Variants in CDH13 observed in about 807,000 individuals in gnomAD.
The protein encoded by CDH13 is cadherin 13.
In CDH13, 24 loss-of-function variants were observed where a neutral mutation model predicts 63.8. That is an observed-to-expected ratio of 0.38 (90% CI 0.27 to 0.53). CDH13 has a LOEUF of 0.53. CDH13 is among the 20% of genes least tolerant of loss of function. The probability of loss-of-function intolerance (pLI) is 0.85; values close to 1 mark genes in which losing one functional copy is unlikely to be tolerated. For synonymous variants in CDH13, 503 were observed against 355.3 expected (o/e 1.42, Z -4.67); for missense variants, 1,049 against 903.1 (o/e 1.16, Z -2.07).
intron 1 of CDH13, among the ~76,000 whole-genome samples, chr16:82,708,136 T>C (rs1254454493): frequency 1.3e-5 from 2 of 152,200 alleles, no homozygotes; most frequent in African/African-American, 4.8e-5. Flanking sequence ...CAAACATCTG[T>C]CTTTTACATT....
At chr16:82,704,351 G>A (rs1178374093) in intron 1 of CDH13, among the ~76,000 whole-genome samples, 7 of 152,160 alleles carry the variant, frequency 4.6e-5, no homozygotes, top group Middle Eastern at 3.2e-3. Flanking sequence ...TGGCTCTCTG[G>A]CCTGTTCACA....
chr16:83,191,505 A>ATATATATATATATG (rs1491422081), intron 4 of CDH13, among the ~76,000 whole-genome samples: 5 of 73,980 alleles, frequency 6.8e-5, no homozygotes, highest in Admixed American at 1.6e-4. Context: ...ATATATATAT[A>ATATATATATATATG]CACACACACA....
intron 8 of CDH13, among the ~76,000 whole-genome samples, chr16:83,606,726 CAA>C (rs11424833): frequency 5.8e-5 from 8 of 138,370 alleles, no homozygotes; most frequent in East Asian, 2.1e-4. Context: ...GACCCAGTTT[CAA>C]AAAAAAAAAA....
chr16:82,740,796 A>G (rs1034530372), intron 1 of CDH13, among the ~76,000 whole-genome samples: 2 of 152,214 alleles, frequency 1.3e-5, no homozygotes, highest in Non-Finnish European at 1.5e-5. Flanking sequence ...AGCAAGTCCA[A>G]TATCAATGGG....
chr16:83,671,135 G>A (rs921840873), intron 9 of CDH13, among the ~76,000 whole-genome samples, 163 bp downstream of exon 9: 5 of 152,126 alleles, frequency 3.3e-5, no homozygotes, highest in East Asian at 1.9e-4. Flanking sequence ...GGGTGCACTC[G>A]TATCCTCAGC....
At chr16:83,199,655 G>A (rs1031054997) in intron 4 of CDH13, among the ~76,000 whole-genome samples, 5 of 152,114 alleles carry the variant, frequency 3.3e-5, no homozygotes, top group African/African-American at 7.2e-5. Context: ...ATTACTCTCC[G>A]TGACTGTTAC....
chr16:83,648,286 G>A (rs1912029502), intron 8 of CDH13, among the ~76,000 whole-genome samples: 1 of 152,182 alleles, frequency 6.6e-6, no homozygotes, highest in Non-Finnish European at 1.5e-5. Context: ...TGGTCTCGAG[G>A]CAGAACAACT....
rs180683595 is a variant in CDH13 at position 83,178,536 on chromosome 16, A to G, written c.484-38809A>G. 5.3e-5 allele frequency among the ~76,000 whole-genome samples: 8 copies of G among 152,342 alleles called. No individual in the cohort carries two copies. In the East Asian group the frequency reaches 1.5e-3, roughly 29 times the overall value. ...GCAAATAACTCAGACCTGATTATCA[A>G]TTTAATATTTGGATCAGTGGGCCAT... On this transcript the variant is annotated intron_variant, in intron 4 of 13. Transcript: ENST00000567109.
intron 1 of CDH13, among the ~76,000 whole-genome samples, chr16:82,752,055 A>T (rs1448992186): frequency 6.6e-6 from 1 of 152,244 alleles, no homozygotes; most frequent in African/African-American, 2.4e-5. Context: ...GGGGGAAACA[A>T]GATGATAGCT....
chr16:83,457,557 T>C (rs545671532), intron 6 of CDH13, among the ~76,000 whole-genome samples: 133 of 152,272 alleles, frequency 8.7e-4, no homozygotes, highest in Middle Eastern at 3.4e-3. Context: ...GTCGTTGTCA[T>C]CATCATCATC....
At chr16:83,321,490 C>G (rs999300187) in intron 5 of CDH13, among the ~76,000 whole-genome samples, 10 of 151,026 alleles carry the variant, frequency 6.6e-5, no homozygotes, top group African/African-American at 1.7e-4. Context: ...GTCATACCTC[C>G]TCATTTTTTT....
intron 1 of CDH13, among the ~76,000 whole-genome samples, chr16:82,828,860 C>T (rs2038388561): frequency 6.6e-6 from 1 of 151,940 alleles, no homozygotes; most frequent in Non-Finnish European, 1.5e-5. Context: ...AATACTATGC[C>T]ATTTTACATA....
intron 3 of CDH13, among the ~76,000 whole-genome samples, chr16:83,098,334 A>G (rs1484808336): frequency 6.6e-6 from 1 of 152,150 alleles, no homozygotes; most frequent in East Asian, 1.9e-4. Flanking sequence ...TTAGTTGCTC[A>G]TAGGTTGTAA....
At chr16:83,132,452 C>G (rs535800375) in intron 4 of CDH13, among the ~76,000 whole-genome samples, 3 of 96,778 alleles carry the variant, frequency 3.1e-5, no homozygotes, top group African/African-American at 8.9e-5. Context: ...AACACCCCCC[C>G]CTTTTTTTTT....
intron 5 of CDH13, among the ~76,000 whole-genome samples, chr16:83,275,079 C>T (rs1377459709): frequency 6.6e-6 from 1 of 152,100 alleles, no homozygotes; most frequent in East Asian, 1.9e-4. Flanking sequence ...GGGCAGGGAT[C>T]GTTGGTCACT....
At chr16:83,332,272 G>C (rs943664594) in intron 5 of CDH13, among the ~76,000 whole-genome samples, 9 of 151,924 alleles carry the variant, frequency 5.9e-5, no homozygotes, top group African/African-American at 1.9e-4. Flanking sequence ...GAGCTCTAAT[G>C]GTGGCTTAGA....
At chr16:82,816,402 A>G (rs1224180601) in intron 1 of CDH13, among the ~76,000 whole-genome samples, 1 of 152,182 alleles carries the variant, frequency 6.6e-6, no homozygotes, top group Non-Finnish European at 1.5e-5. Context: ...AAGAGAGGAA[A>G]ATAAGTAAAA....
intron 2 of CDH13, among the ~76,000 whole-genome samples, chr16:83,023,621 T>G (rs1347743815): frequency 6.6e-6 from 1 of 152,194 alleles, no homozygotes; most frequent in African/African-American, 2.4e-5. Flanking sequence ...AAACAAGCAT[T>G]TTTTAAATGG....
At chr16:83,673,632 C>G (rs73248746) in intron 9 of CDH13, among the ~76,000 whole-genome samples, 11,392 of 152,250 alleles carry the variant, frequency 0.075, 692 homozygotes, top group African/African-American at 0.17. Flanking sequence ...GAGCCATTCT[C>G]CTCTCCCTAC....
Sources: allele counts gnomAD v4.1 joint callset (sites outside exome capture counted in the v4.1 genomes callset), GRCh38; gene constraint gnomAD v4.1.1; transcripts MANE v1.5; gene names NCBI Gene and HGNC (gene_info 2026-07-23, HGNC 2026-07-21).